The following DGLUCY variants were observed in gnomAD, a reference collection of about 807,000 sequenced individuals.
DGLUCY encodes D-glutamate cyclase, also known as D-glutamate cyclase, mitochondrial.
DGLUCY carries 58 observed loss-of-function variants against 58.5 expected under a neutral mutation model. The ratio of observed to expected loss-of-function variants is 0.99; its 90% CI spans 0.80 to 1.23. The LOEUF (loss-of-function observed/expected upper bound fraction) is 1.23. Ranked by LOEUF, DGLUCY falls within the 50% of genes most tolerant of loss-of-function variation. The pLI is 0.00. For missense variants in DGLUCY, 779 were observed against 784.7 expected (o/e 0.99, Z 0.09); for synonymous variants, 325 against 314.1 (o/e 1.03, Z -0.37).
chr14:91,108,828 G>A (rs773449157), intron 1 of DGLUCY, among the ~76,000 whole-genome samples: 3 of 152,092 alleles, frequency 2.0e-5, no homozygotes, highest in Non-Finnish European at 4.4e-5. Context: ...ATGAGCCACC[G>A]TTCCCAGCCC....
chr14:91,176,459 C>G (rs548565026), intron 7 of DGLUCY, among the ~76,000 whole-genome samples: 8 of 152,250 alleles, frequency 5.3e-5, no homozygotes, highest in African/African-American at 1.7e-4. Flanking sequence ...CTCCTGACCT[C>G]GTGGTCTGCC....
At chr14:91,080,777 A>G (rs1595618281) in intron 1 of DGLUCY, among the ~76,000 whole-genome samples, 2 of 152,194 alleles carry the variant, frequency 1.3e-5, no homozygotes, top group African/African-American at 2.4e-5. Context: ...GTGGAGTCCT[A>G]GTAAGAGTGC....
intron 9 of DGLUCY, among the ~76,000 whole-genome samples, chr14:91,190,780 G>A (rs921761099): frequency 2.0e-5 from 3 of 152,158 alleles, no homozygotes; most frequent in African/African-American, 7.2e-5. Context: ...GCAGGACCCT[G>A]TGGGCAGCTG....
upstream of DGLUCY, among the ~76,000 whole-genome samples, chr14:91,106,310 AC>A (rs58216412): frequency 0.03 from 4,284 of 143,814 alleles, 193 homozygotes; most frequent in African/African-American, 0.1. Flanking sequence ...TCCATTCCCT[AC>A]CCCCCCCCAA....
intron 7 of DGLUCY, 79 bp from the exon 8 acceptor site, chr14:91,181,107 C>T (rs1432250855): frequency 4.3e-6 from 6 of 1,387,160 alleles, no homozygotes; most frequent in Non-Finnish European, 2.0e-6. Context: ...GCCATCTTGC[C>T]TATCAACAGT....
chr14:91,223,530 C>A, intron 13 of DGLUCY: 1 of 420,788 alleles, frequency 2.4e-6, no homozygotes, highest in South Asian at 2.2e-5. Context: ...TATGCCTTCA[C>A]TTAAGGCTCA....
intron 1 of DGLUCY, among the ~76,000 whole-genome samples, chr14:91,079,765 A>G (rs1471694146): frequency 6.6e-6 from 1 of 152,256 alleles, no homozygotes; most frequent in Non-Finnish European, 1.5e-5. Flanking sequence ...GAAAAGATTC[A>G]GAAAAAAAGG....
At chr14:91,084,978 TTGGAAGGGC>T (rs958371709) in intron 1 of DGLUCY, among the ~76,000 whole-genome samples, 3 of 152,104 alleles carry the variant, frequency 2.0e-5, no homozygotes, top group Admixed American at 2.0e-4. Context: ...ATCCCACACT[TTGGAAGGGC>T]AAAACAGTAA....
At chr14:91,199,505 G>A (rs540150837) in intron 10 of DGLUCY, among the ~76,000 whole-genome samples, 1 of 151,978 alleles carries the variant, frequency 6.6e-6, no homozygotes, top group Non-Finnish European at 1.5e-5. Flanking sequence ...CACCTGCTTC[G>A]GCCTCCCAAA....
upstream of DGLUCY, among the ~76,000 whole-genome samples, chr14:91,106,647 C>T (rs564735545): frequency 2.0e-5 from 3 of 148,852 alleles, no homozygotes; most frequent in South Asian, 6.3e-4. Flanking sequence ...GTGGAGGTTG[C>T]AGTGAGCCCA....
In DGLUCY at chr14:91,224,723, C is replaced by T. The variant is rs142112616; in HGVS notation, c.1756C>T (p.Arg586Trp). The T allele has an allele frequency of 1.6e-5, 25 of 1,612,624 alleles. No homozygotes were observed. Among genetic ancestry groups the T allele is most frequent in the South Asian group, 6.6e-5 (6 of 90,984 alleles). ...GGGCATCTTGGTGCAGCACAAAGTC[C>T]GGAGTGGCGTCTCGGGCATCGTGGG... ...MLGILVQHKVRSGVSGIVGME... is the reference protein window; with the variant it reads ...MLGILVQHKVWSGVSGIVGME... The change falls in exon 14 of 14, where the codon CGG (arginine) becomes TGG (tryptophan). Residue 586 changes from arginine (R) to tryptophan (W), a missense_variant. By Grantham distance (101) the Arg-to-Trp change is moderately radical. Transcript: ENST00000256324.
chr14:91,139,795 A>G (rs2046546294), intron 1 of DGLUCY, among the ~76,000 whole-genome samples: 1 of 152,226 alleles, frequency 6.6e-6, no homozygotes, highest in Non-Finnish European at 1.5e-5. Flanking sequence ...ACAGTTCTCA[A>G]TCAATTTAGA....
At chr14:91,136,909 C>T (rs1286828770) in intron 1 of DGLUCY, among the ~76,000 whole-genome samples, 4 of 151,680 alleles carry the variant, frequency 2.6e-5, no homozygotes, top group East Asian at 1.9e-4. Context: ...GTGGAGGTTG[C>T]GGTGAGCCGA....
intron 12 of DGLUCY, among the ~76,000 whole-genome samples, chr14:91,206,559 T>C (rs975218504): frequency 2.6e-5 from 4 of 151,980 alleles, no homozygotes; most frequent in Non-Finnish European, 5.9e-5. Context: ...ATTTTTGTGT[T>C]TTTGGTAGAG....
chr14:91,210,237 TG>T (rs1372066699), intron 12 of DGLUCY, among the ~76,000 whole-genome samples: 2 of 151,980 alleles, frequency 1.3e-5, no homozygotes, highest in South Asian at 2.1e-4. Flanking sequence ...AAAAAGTTGA[TG>T]GGGGGGAGCA....
At chr14:91,216,923 G>A (rs745657678) in intron 13 of DGLUCY, among the ~76,000 whole-genome samples, 6 of 152,214 alleles carry the variant, frequency 3.9e-5, no homozygotes, top group South Asian at 2.1e-4. Context: ...TGGCCAGCGC[G>A]CAGCACCCAA....
At chr14:91,172,514 C>T (rs548769393) in intron 5 of DGLUCY, among the ~76,000 whole-genome samples, 26 of 152,294 alleles carry the variant, frequency 1.7e-4, no homozygotes, top group African/African-American at 5.5e-4. Context: ...CTTCATATCA[C>T]GTTAGAGTTC....
intron 11 of DGLUCY, among the ~76,000 whole-genome samples, chr14:91,202,621 A>G (rs1387968053): frequency 6.6e-6 from 1 of 152,118 alleles, no homozygotes; most frequent in East Asian, 1.9e-4. Context: ...CTGGGCAGGC[A>G]GAGGACCTCA....
chr14:91,201,423 C>T (rs993121571), intron 11 of DGLUCY, among the ~76,000 whole-genome samples: 1 of 151,962 alleles, frequency 6.6e-6, no homozygotes, highest in African/African-American at 2.4e-5. Flanking sequence ...CTCAGCTTCC[C>T]GAGTAGCTAG....
Sources: allele counts gnomAD v4.1 joint callset (sites outside exome capture counted in the v4.1 genomes callset), GRCh38; gene constraint gnomAD v4.1.1; transcripts MANE v1.5; gene names NCBI Gene and HGNC (gene_info 2026-07-23, HGNC 2026-07-21).